The following CSMD1 variants were observed in gnomAD, a reference collection of about 807,000 sequenced individuals.
CSMD1 encodes the protein CUB and Sushi multiple domains 1, also known as CUB and sushi domain-containing protein 1.
In CSMD1, 213 loss-of-function variants were observed where a neutral mutation model predicts 417.5. The ratio of observed to expected loss-of-function variants is 0.51; its 90% CI spans 0.46 to 0.57. CSMD1 has a LOEUF of 0.57. Ranked by LOEUF, CSMD1 falls within the 20% of genes least tolerant of loss-of-function variation. CSMD1 has a pLI of 0.00. For synonymous variants in CSMD1, 2,862 were observed against 1,736.8 expected, an observed-to-expected ratio of 1.65 and a Z score of -16.11; for missense variants, 6,923 against 4,529.7, an observed-to-expected ratio of 1.53 and a Z score of -15.17.
intron 1 of CSMD1, among the ~76,000 whole-genome samples, chr8:4,868,199 G>T (rs947725586): frequency 1.6e-4 from 25 of 152,206 alleles, no homozygotes; most frequent in Admixed American, 8.5e-4. Flanking sequence ...TTAGAAAAAT[G>T]CCTGAGCCTA....
At chr8:3,712,364 G>A (rs1801564533) in intron 6 of CSMD1, among the ~76,000 whole-genome samples, 1 of 144,462 alleles carries the variant, frequency 6.9e-6, no homozygotes, top group African/African-American at 2.6e-5. Flanking sequence ...ATTTTCATTT[G>A]CAAAGAAACA....
At chr8:4,260,736 T>C (rs1803822323) in intron 3 of CSMD1, among the ~76,000 whole-genome samples, 1 of 152,204 alleles carries the variant, frequency 6.6e-6, no homozygotes, top group Non-Finnish European at 1.5e-5. Flanking sequence ...AATATTATCA[T>C]ACTTGGTTTA....
intron 5 of CSMD1, among the ~76,000 whole-genome samples, chr8:3,897,265 G>C (rs1245037058): frequency 1.3e-5 from 2 of 152,108 alleles, no homozygotes; most frequent in African/African-American, 2.4e-5. Context: ...GTCATAGTGT[G>C]ACTAGCAATT....
intron 37 of CSMD1, among the ~76,000 whole-genome samples, chr8:3,177,589 A>G (rs1209867020): frequency 6.6e-6 from 1 of 152,196 alleles, no homozygotes; most frequent in African/African-American, 2.4e-5. Context: ...CATAGTAGGG[A>G]TAACTGGGGC....
At chr8:3,930,309 C>A (rs925486517) in intron 5 of CSMD1, among the ~76,000 whole-genome samples, 3 of 150,344 alleles carry the variant, frequency 2.0e-5, no homozygotes, top group African/African-American at 4.9e-5. Context: ...TATTCAAAGA[C>A]CTGTGCTAAC....
At chr8:4,930,820 G>A (rs1042594190) in intron 1 of CSMD1, among the ~76,000 whole-genome samples, 2 of 152,218 alleles carry the variant, frequency 1.3e-5, no homozygotes, top group Non-Finnish European at 2.9e-5. Context: ...TTTATTTGAT[G>A]TGTGACCATT....
intron 5 of CSMD1, among the ~76,000 whole-genome samples, chr8:3,859,288 A>T (rs1804526316): frequency 6.6e-6 from 1 of 152,156 alleles, no homozygotes; most frequent in Non-Finnish European, 1.5e-5. Context: ...TTTTCCTTCA[A>T]CACCTATCCA....
intron 6 of CSMD1, among the ~76,000 whole-genome samples, chr8:3,730,565 A>C (rs1802786969): frequency 6.6e-6 from 1 of 152,048 alleles, no homozygotes; most frequent in Admixed American, 6.5e-5. Context: ...CCGCCAATGA[A>C]CAGCTTTGCA....
intron 68 of CSMD1, among the ~76,000 whole-genome samples, chr8:2,949,043 T>C (rs1279193042): frequency 6.6e-6 from 1 of 152,030 alleles, no homozygotes; most frequent in Non-Finnish European, 1.5e-5. Flanking sequence ...TTTCATCTTT[T>C]TCTCTCTTAT....
At chr8:4,137,996 G>A (rs903885247) in intron 3 of CSMD1, among the ~76,000 whole-genome samples, 1 of 143,986 alleles carries the variant, frequency 6.9e-6, no homozygotes, top group Non-Finnish European at 1.5e-5. Flanking sequence ...TCCCGCCTCA[G>A]CCTCCAGAGT....
At chr8:3,762,249 C>T (rs1388351255) in intron 5 of CSMD1, among the ~76,000 whole-genome samples, 1 of 152,006 alleles carries the variant, frequency 6.6e-6, no homozygotes, top group Non-Finnish European at 1.5e-5. Context: ...ATGCGCTGTC[C>T]CTTACCTGGA....
rs183529820 is a variant in CSMD1 at position 3,764,996 on chromosome 8, C to G, written c.819-10954G>C. 3.1e-3 allele frequency among the ~76,000 whole-genome samples: 467 copies of G among 152,116 alleles called. 4 individuals carry two copies. The highest frequency in any genetic ancestry group is 0.011 in the African/African-American group (442 of 41,480). On this transcript the variant is annotated intron_variant, in intron 5 of 69. Coordinates refer to ENST00000635120, the MANE Select transcript of CSMD1 (RefSeq NM_033225.6). ...CTGACCTCAGGTGATCTGCCCACTT[C>G]GGCCTCCCAAAGTTCTGGGATTACA...
chr8:4,271,029 A>T (rs1297746425), intron 3 of CSMD1, among the ~76,000 whole-genome samples: 2 of 152,220 alleles, frequency 1.3e-5, no homozygotes, highest in Non-Finnish European at 1.5e-5. Context: ...TAGTGGGAAG[A>T]GAGTTAAAGA....
chr8:4,497,132 C>G (rs1802017878), intron 2 of CSMD1, among the ~76,000 whole-genome samples: 1 of 152,128 alleles, frequency 6.6e-6, no homozygotes, highest in Admixed American at 6.5e-5. Context: ...TGTCTATAGC[C>G]CTTGACTCAG....
chr8:4,080,085 T>G (rs1415692417), intron 3 of CSMD1, among the ~76,000 whole-genome samples: 3 of 152,022 alleles, frequency 2.0e-5, no homozygotes, highest in Non-Finnish European at 4.4e-5. Context: ...AGTCTCTGTC[T>G]CCATGTTTGT....
chr8:3,541,939 C>T (rs1387525624), intron 10 of CSMD1, among the ~76,000 whole-genome samples: 2 of 151,924 alleles, frequency 1.3e-5, no homozygotes, highest in African/African-American at 2.4e-5. Context: ...GCTTGTACAC[C>T]CAGGAGGTGG....
At chr8:4,660,751 C>G (rs1455693394) in intron 1 of CSMD1, among the ~76,000 whole-genome samples, 1 of 151,926 alleles carries the variant, frequency 6.6e-6, no homozygotes, top group Non-Finnish European at 1.5e-5. Context: ...CATCTCTAAT[C>G]TATAAAGAAC....
chr8:4,032,909 C>T (rs1425273677), intron 3 of CSMD1, among the ~76,000 whole-genome samples: 2 of 152,042 alleles, frequency 1.3e-5, no homozygotes, highest in South Asian at 2.1e-4. Flanking sequence ...TCAGACATGC[C>T]TCATTATACT....
chr8:4,077,271 T>TTTGTCACC (rs1365754779), intron 3 of CSMD1, among the ~76,000 whole-genome samples: 3 of 107,682 alleles, frequency 2.8e-5, no homozygotes, highest in Admixed American at 2.7e-4. Flanking sequence ...TAAAAGCCCA[T>TTTGTCACC]TTGTCACCTA....
Sources: allele counts gnomAD v4.1 joint callset (sites outside exome capture counted in the v4.1 genomes callset), GRCh38; gene constraint gnomAD v4.1.1; transcripts MANE v1.5; gene names NCBI Gene and HGNC (gene_info 2026-07-23, HGNC 2026-07-21).